MATN2: variants seen among roughly 807,000 people sequenced by gnomAD.
The protein encoded by MATN2 is matrilin-2.
Under a neutral mutation model 103.2 loss-of-function variants are expected in MATN2, and 69 were observed. The observed-to-expected ratio is 0.67, with a 90% CI of 0.55 to 0.82. MATN2 has a LOEUF of 0.82. MATN2 is among the 40% of genes least tolerant of loss of function. MATN2 has a pLI of 0.00. For synonymous variants in MATN2, 429 were observed against 450.2 expected, an observed-to-expected ratio of 0.95 and a Z score of 0.60; for missense variants, 1,023 against 1,211.5, an observed-to-expected ratio of 0.84 and a Z score of 2.31.
At chr8:98,017,393 G>A (rs1461512887) in intron 11 of MATN2, among the ~76,000 whole-genome samples, 2 of 152,224 alleles carry the variant, frequency 1.3e-5, no homozygotes, top group Non-Finnish European at 2.9e-5. Flanking sequence ...AATTGCTGGT[G>A]TAAATCTCAA....
intron 1 of MATN2, among the ~76,000 whole-genome samples, chr8:97,887,197 T>A (rs531897797): frequency 6.6e-5 from 10 of 152,286 alleles, no homozygotes; most frequent in African/African-American, 1.9e-4. Flanking sequence ...TGGACTTTTT[T>A]AACTTTTTAA....
At chr8:98,002,984 G>C (rs1812835087) in intron 7 of MATN2, among the ~76,000 whole-genome samples, 1 of 151,924 alleles carries the variant, frequency 6.6e-6, no homozygotes, top group African/African-American at 2.4e-5. Flanking sequence ...AGCTCCCTCT[G>C]CCTCCCAGCC....
At chr8:97,961,264 C>A in intron 4 of MATN2, 144 bp from the exon 5 acceptor site, 1 of 754,432 alleles carries the variant, frequency 1.3e-6, no homozygotes, top group Non-Finnish European at 1.9e-6. Context: ...TCCAAATTTT[C>A]TACTATGATC....
chr8:97,978,320 A>G (rs936022164), intron 5 of MATN2, among the ~76,000 whole-genome samples: 6 of 152,136 alleles, frequency 3.9e-5, no homozygotes, highest in Non-Finnish European at 7.4e-5. Context: ...CAGCCAGTGT[A>G]TTTTCTCATA....
At chr8:98,025,697 G>A (rs1257616070) in intron 13 of MATN2, 2 of 404,744 alleles carry the variant, frequency 4.9e-6, no homozygotes, top group Admixed American at 5.9e-5. Flanking sequence ...AGTAAGCCAA[G>A]ATCGCGCCAT....
At chr8:97,886,680 A>G (rs1322153170) in intron 1 of MATN2, among the ~76,000 whole-genome samples, 1 of 152,192 alleles carries the variant, frequency 6.6e-6, no homozygotes, top group Non-Finnish European at 1.5e-5. Context: ...TCCCAGGTCA[A>G]TTTCTGGAAG....
At chr8:97,891,685 C>A (rs1043245883) in intron 2 of MATN2, among the ~76,000 whole-genome samples, 1 of 152,038 alleles carries the variant, frequency 6.6e-6, no homozygotes, top group Non-Finnish European at 1.5e-5. Flanking sequence ...TTTTAAGAAT[C>A]CTGAGGACAA....
At chr8:97,883,078 C>T (rs1818304103) in intron 1 of MATN2, among the ~76,000 whole-genome samples, 1 of 151,950 alleles carries the variant, frequency 6.6e-6, no homozygotes, top group Admixed American at 6.6e-5. Flanking sequence ...CCAAGGCAGG[C>T]AGATTGCCCG....
chr8:97,870,404 G>T (rs752750641), intron 1 of MATN2, among the ~76,000 whole-genome samples: 2 of 152,112 alleles, frequency 1.3e-5, no homozygotes, highest in Non-Finnish European at 2.9e-5. Context: ...TGTAATCCCA[G>T]CTACTCGGGA....
At chr8:97,985,878 G>A (rs145988513) in intron 6 of MATN2, among the ~76,000 whole-genome samples, 1 of 152,184 alleles carries the variant, frequency 6.6e-6, no homozygotes, top group East Asian at 1.9e-4. Flanking sequence ...GATAACCATT[G>A]TTTATGCCAA....
At chr8:98,012,742 G>A (rs1395912597) in intron 10 of MATN2, among the ~76,000 whole-genome samples, 1 of 152,218 alleles carries the variant, frequency 6.6e-6, no homozygotes, top group African/African-American at 2.4e-5. Flanking sequence ...AGGATGATCT[G>A]TGGATGTGCA....
chr8:98,007,393 CG>C lies in MATN2; in HGVS notation c.1451-82del. 6.4e-7 allele frequency: 1 copy of C among 1,563,008 alleles called. No individual in the cohort carries two copies. The highest frequency in any genetic ancestry group is 1.2e-5 in the South Asian group (1 of 84,948). On this transcript the variant is annotated intron_variant, in intron 9 of 18. Coordinates refer to ENST00000254898, the MANE Select transcript of MATN2 (RefSeq NM_002380.5). The surrounding 1 kb of genome is among the most constrained non-coding windows in gnomAD (Gnocchi z 4.2). ...GGGACTGCATGCCTTCGAGGGAGGG[CG>C]GGGTGAGCATGACGGTCACTTGATC...
intron 6 of MATN2, among the ~76,000 whole-genome samples, chr8:97,985,460 T>G (rs1812161453): frequency 6.6e-6 from 1 of 152,154 alleles, no homozygotes; most frequent in Non-Finnish European, 1.5e-5. Context: ...AAGCTATATA[T>G]ATTTATTGTT....
intron 6 of MATN2, among the ~76,000 whole-genome samples, chr8:97,985,903 C>G (rs910794719): frequency 6.6e-6 from 1 of 152,174 alleles, no homozygotes; most frequent in Non-Finnish European, 1.5e-5. Context: ...GAACATTTCT[C>G]TCCAGTCTTT....
intron 13 of MATN2, among the ~76,000 whole-genome samples, chr8:98,027,080 G>A (rs1563734871): frequency 6.6e-6 from 1 of 152,072 alleles, no homozygotes; most frequent in Non-Finnish European, 1.5e-5. Context: ...TTTGGGTATT[G>A]TTAGACCCTT....
At chr8:98,033,197 A>C (rs893907252) in intron 17 of MATN2, 21 bp downstream of exon 17, 1 of 1,577,162 alleles carries the variant, frequency 6.3e-7, no homozygotes. Context: ...GTAAAATATT[A>C]CTATAAGATA....
chr8:97,945,013 G>T (rs1377592118), intron 4 of MATN2, among the ~76,000 whole-genome samples: 1 of 152,124 alleles, frequency 6.6e-6, no homozygotes, highest in Non-Finnish European at 1.5e-5. Context: ...AATTGTTTTT[G>T]AGCATAAAAA....
chr8:97,953,539 C>A (rs1246238847), intron 4 of MATN2, among the ~76,000 whole-genome samples: 1 of 152,300 alleles, frequency 6.6e-6, no homozygotes, highest in East Asian at 1.9e-4. Context: ...GTAATCCCAG[C>A]ACTTTGGGAG....
At chr8:97,887,046 C>T (rs979349268) in intron 1 of MATN2, among the ~76,000 whole-genome samples, 1 of 151,878 alleles carries the variant, frequency 6.6e-6, no homozygotes, top group South Asian at 2.1e-4. Context: ...CACGAGCCAC[C>T]ACACCTGGCT....
Sources: gnomAD v4.1 joint callset for allele counts (sites outside exome capture counted in the v4.1 genomes callset) on GRCh38, gnomAD v4.1.1 for gene constraint, Gnocchi (gnomAD v3.1) non-coding constraint, MANE v1.5 for transcripts, NCBI Gene and HGNC (gene_info 2026-07-23, HGNC 2026-07-21) for gene names.